Variants in LCMT1 observed in about 807,000 individuals in gnomAD.
LCMT1 encodes the protein leucine carboxyl methyltransferase 1, also known as [Phosphatase 2A protein]-leucine-carboxy methyltransferase 1.
In LCMT1, 32 loss-of-function variants were observed where a neutral mutation model predicts 47.7. That is an observed-to-expected ratio of 0.67 (90% CI 0.51 to 0.90). The LOEUF is 0.90. Among genes scored for constraint, LCMT1 ranks in the 40% least tolerant of loss-of-function variants. The pLI is 0.00. For missense variants in LCMT1, 375 were observed against 415.2 expected, an observed-to-expected ratio of 0.90 and a Z score of 0.84; for synonymous variants, 152 against 149.7, an observed-to-expected ratio of 1.02 and a Z score of -0.11.
rs56971935 is a variant in LCMT1 at position 25,166,599 on chromosome 16, C to T, written c.690+1881C>T. 3.3e-3 allele frequency among the ~76,000 whole-genome samples: 507 copies of T among 152,182 alleles called. 2 individuals carry two copies. The highest frequency in any genetic ancestry group is 0.012 in the African/African-American group (487 of 41,526). ...AATTTTTTTTGTAGGGACAGGGTTTCGCCATGTTGCCCAGGTTGGTCAGTT... is the reference window on the plus strand; with the variant it reads ...AATTTTTTTTGTAGGGACAGGGTTTTGCCATGTTGCCCAGGTTGGTCAGTT... On this transcript the variant is annotated intron_variant, in intron 7 of 10. Coordinates refer to ENST00000399069, the MANE Select transcript of LCMT1 (RefSeq NM_016309.3).
rs61508399 is a variant in LCMT1 at position 25,156,634 on chromosome 16, C to T, written c.467-4468C>T. Among the ~76,000 whole-genome samples, 1,329 of 152,252 alleles carry T rather than the reference C, an allele frequency of 8.7e-3. 19 individuals are homozygous for T. The highest frequency in any genetic ancestry group is 0.03 in the African/African-American group (1,266 of 41,526). Reference sequence around the variant, plus strand: ...GCTGGGGCTCGGGTGGCAGGAGGTGCGTGCTTCAAGATTGAGAAAGATCAT... The same window carrying T: ...GCTGGGGCTCGGGTGGCAGGAGGTGTGTGCTTCAAGATTGAGAAAGATCAT... On this transcript the variant is annotated intron_variant, in intron 5 of 10. Coordinates refer to ENST00000399069, the MANE Select transcript of LCMT1 (RefSeq NM_016309.3).
In LCMT1 at chr16:25,111,788, T is replaced by A; in HGVS notation, c.-96T>A. The A allele has an allele frequency of 1.2e-6, 1 of 824,366 alleles. No individual in the cohort carries two copies. The highest frequency in any genetic ancestry group is 1.5e-5 in the South Asian group (1 of 67,674). 51.1% of individuals were successfully genotyped at this position (824,366 alleles called of 1,614,324 possible). A position where few individuals can be genotyped will look rare whatever the true frequency, so the allele number is the denominator to read the frequency against. Reference sequence around the variant, plus strand: ...AGCCAGGTAGGGCCCTACCCTCTTCTGTTGCTTTCTCCCTGTGGCTCGCGC... The same window carrying A: ...AGCCAGGTAGGGCCCTACCCTCTTCAGTTGCTTTCTCCCTGTGGCTCGCGC... On this transcript the variant is annotated 5_prime_UTR_variant, in exon 1 of 11. Coordinates refer to ENST00000399069, the MANE Select transcript of LCMT1 (RefSeq NM_016309.3).
At chr16:25,121,477 A>G (rs868785327) in intron 1 of LCMT1, among the ~76,000 whole-genome samples, 1 of 152,216 alleles carries the variant, frequency 6.6e-6, no homozygotes, top group African/African-American at 2.4e-5. Flanking sequence ...TTTTAATCAC[A>G]GAAGAGTGAG....
intron 6 of LCMT1, among the ~76,000 whole-genome samples, chr16:25,163,467 C>CAAA (rs11318381): frequency 4.1e-5 from 4 of 97,498 alleles, no homozygotes; most frequent in African/African-American, 8.1e-5. Flanking sequence ...GACTCTGTCT[C>CAAA]AAAAAAAAAA....
intron 5 of LCMT1, 149 bp from the exon 6 acceptor site, chr16:25,160,953 G>T (rs277899): frequency 0.25 from 149,326 of 609,162 alleles, 19,014 homozygotes; most frequent in Admixed American, 0.33. Context: ...TTGGAAGATA[G>T]GATTTTGGTT....
chr16:25,132,672 C>A, intron 3 of LCMT1, 149 bp downstream of exon 3: 1 of 730,320 alleles, frequency 1.4e-6, no homozygotes, highest in Non-Finnish European at 2.2e-6. Flanking sequence ...GCCCCTACGA[C>A]TCTCAGTCCT....
chr16:25,159,691 A>G (rs894374923), intron 5 of LCMT1, among the ~76,000 whole-genome samples: 2 of 152,058 alleles, frequency 1.3e-5, no homozygotes, highest in South Asian at 2.1e-4. Flanking sequence ...TCTTTAGCTT[A>G]TGGTGTGTAG....
chr16:25,172,646 A>G (rs1040752712), intron 9 of LCMT1, among the ~76,000 whole-genome samples: 9 of 152,220 alleles, frequency 5.9e-5, no homozygotes, highest in Admixed American at 1.3e-4. Flanking sequence ...GCTTTTCCAT[A>G]TAACTTATTA....
chr16:25,169,170 G>A lies in LCMT1; in HGVS notation c.749G>A (p.Cys250Tyr), dbSNP rs1961676557. The A allele has an allele frequency of 6.2e-7, 1 of 1,613,424 alleles. No individual in the cohort carries two copies. The highest frequency in any genetic ancestry group is 1.3e-5 in the African/African-American group (1 of 74,952). Reference sequence around the variant, plus strand: ...ATTGAAAACCTGCGGAGACGCCAGTGTGACCTGGCGGGAGTGGAGACCTGC... The same window carrying A: ...ATTGAAAACCTGCGGAGACGCCAGTATGACCTGGCGGGAGTGGAGACCTGC... ...IMIENLRRRQ[C>Y]DLAGVETCKS... Residue 250 changes from cysteine (C) to tyrosine (Y), a missense_variant, in exon 8 of 11, where the codon TGT becomes TAT. Cys to Tyr is a radical substitution (Grantham distance 194). Transcript: ENST00000399069.
intron 8 of LCMT1, among the ~76,000 whole-genome samples, chr16:25,170,328 C>G (rs1961718119): frequency 6.6e-6 from 1 of 152,108 alleles, no homozygotes; most frequent in Non-Finnish European, 1.5e-5. Flanking sequence ...TCCTTTATTT[C>G]TCTTTGGAAG....
chr16:25,157,756 C>G (rs1045373598), intron 5 of LCMT1, among the ~76,000 whole-genome samples: 1 of 152,220 alleles, frequency 6.6e-6, no homozygotes, highest in Non-Finnish European at 1.5e-5. Context: ...CTCATTCCAG[C>G]ACCTGCCTGG....
At chr16:25,164,972 A>G (rs1257090984) in intron 7 of LCMT1, among the ~76,000 whole-genome samples, 1 of 152,204 alleles carries the variant, frequency 6.6e-6, no homozygotes, top group Non-Finnish European at 1.5e-5. Context: ...CATTACATGT[A>G]CCATGGAGTC....
chr16:25,121,484 T>C (rs1223788985), intron 1 of LCMT1, among the ~76,000 whole-genome samples: 1 of 151,880 alleles, frequency 6.6e-6, no homozygotes, highest in Admixed American at 6.6e-5. Flanking sequence ...CACAGAAGAG[T>C]GAGTTCTTTT....
chr16:25,113,083 G>T (rs1959674686), intron 1 of LCMT1, among the ~76,000 whole-genome samples: 1 of 145,450 alleles, frequency 6.9e-6, no homozygotes, highest in Non-Finnish European at 1.5e-5. Flanking sequence ...AGAGGTTGCA[G>T]TGAGCCAAGA....
intron 1 of LCMT1, among the ~76,000 whole-genome samples, chr16:25,116,017 G>C (rs1959773062): frequency 6.6e-6 from 1 of 152,138 alleles, no homozygotes; most frequent in Non-Finnish European, 1.5e-5. Context: ...CACTTTTACA[G>C]TTGTGAATTC....
intron 1 of LCMT1, among the ~76,000 whole-genome samples, chr16:25,122,606 G>A (rs1422644116): frequency 6.6e-6 from 1 of 151,964 alleles, no homozygotes; most frequent in Admixed American, 6.6e-5. Context: ...TGGGATTACA[G>A]GTGCGAGCCA....
chr16:25,138,901 A>G (rs1190282512), intron 3 of LCMT1, among the ~76,000 whole-genome samples: 2 of 151,418 alleles, frequency 1.3e-5, no homozygotes, highest in African/African-American at 4.8e-5. Flanking sequence ...TCACAACCCC[A>G]TAAAGTGTTA....
intron 5 of LCMT1, among the ~76,000 whole-genome samples, chr16:25,152,261 C>T (rs1597590172): frequency 1.3e-5 from 2 of 152,162 alleles, no homozygotes; most frequent in Non-Finnish European, 2.9e-5. Flanking sequence ...TTTGAAAGGG[C>T]TGGTTGCTGT....
At chr16:25,128,295 G>C (rs1228072972) in intron 1 of LCMT1, among the ~76,000 whole-genome samples, 180 bp from the exon 2 acceptor site, 1 of 152,240 alleles carries the variant, frequency 6.6e-6, no homozygotes, top group Non-Finnish European at 1.5e-5. Context: ...TGAACATAAA[G>C]ATGAATGGAT....
Sources: allele counts gnomAD v4.1 joint callset (sites outside exome capture counted in the v4.1 genomes callset), GRCh38; gene constraint gnomAD v4.1.1; transcripts MANE v1.5; gene names NCBI Gene and HGNC (gene_info 2026-07-23, HGNC 2026-07-21).